ZNF800: variants seen among roughly 807,000 people sequenced by gnomAD.
ZNF800 encodes zinc finger protein 800.
A neutral mutation model predicts 59.5 loss-of-function variants in ZNF800; 13 were observed. The ratio of observed to expected loss-of-function variants is 0.22; its 90% CI spans 0.14 to 0.35. The LOEUF (loss-of-function observed/expected upper bound fraction) is 0.35. ZNF800 is among the 10% of genes least tolerant of loss of function. The probability of loss-of-function intolerance (pLI) is 1.00; values close to 1 mark genes in which losing one functional copy is unlikely to be tolerated. For synonymous variants in ZNF800, 266 were observed against 265.7 expected, an observed-to-expected ratio of 1.00 and a Z score of -0.01; for missense variants, 621 against 783.7, an observed-to-expected ratio of 0.79 and a Z score of 2.48.
chr7:127,365,066 A>G (rs544619513), downstream of ZNF800, among the ~76,000 whole-genome samples: 2 of 152,276 alleles, frequency 1.3e-5, no homozygotes, highest in South Asian at 4.1e-4. Flanking sequence ...TCATGGAATT[A>G]GATTAAGTAT....
chr7:127,392,361 G>GAACCGCCCGGCAGCAGC lies in ZNF800; in HGVS notation c.-377_-361dup, dbSNP rs1801363077. On this transcript the variant is annotated 5_prime_UTR_variant, in exon 1 of 6. Coordinates refer to ENST00000265827, the MANE Select transcript of ZNF800 (RefSeq NM_176814.5). Reference sequence around the variant, plus strand: ...CGCGGGCGGAGGCAGTTGACAGGAGGAACCGCCCGGCAGCAGCTGCCGCCG... The same window carrying GAACCGCCCGGCAGCAGC: ...CGCGGGCGGAGGCAGTTGACAGGAGGAACCGCCCGGCAGCAGCAACCGCCCGGCAGCAGCTGCCGCCG... 2.6e-6 allele frequency: 1 copy of GAACCGCCCGGCAGCAGC among 382,660 alleles called. No homozygotes were observed. The highest frequency in any genetic ancestry group is 4.6e-6 in the Non-Finnish European group (1 of 216,116). 23.7% of individuals were successfully genotyped at this position (382,660 alleles called of 1,614,324 possible).
chr7:127,368,877 G>A (rs1417665801), downstream of ZNF800, among the ~76,000 whole-genome samples: 1 of 151,800 alleles, frequency 6.6e-6, no homozygotes, highest in African/African-American at 2.4e-5. Flanking sequence ...AAATCTGAAG[G>A]TACATTTCAA....
At chr7:127,391,637 C>A in intron 1 of ZNF800, 22 bp from the exon 2 acceptor site, 1 of 1,331,972 alleles carries the variant, frequency 7.5e-7, no homozygotes, top group South Asian at 1.2e-5. Flanking sequence ...AGCACAAACC[C>A]GTCACTCGCC....
At chr7:127,391,649 T>C (rs1801321519) in intron 1 of ZNF800, 34 bp from the exon 2 acceptor site, 8 of 1,182,264 alleles carry the variant, frequency 6.8e-6, no homozygotes, top group African/African-American at 1.5e-5. Flanking sequence ...TCACTCGCCC[T>C]GAACTTCCTG....
At chr7:127,363,118 A>G (rs1030145139) in intron 1 of ZNF800, 54 of 152,276 alleles carry the variant, frequency 3.5e-4, no homozygotes, top group African/African-American at 1.2e-3. Context: ...GACATGGAGC[A>G]CATAGGAAGA....
chr7:127,375,022 A>G lies in ZNF800; in HGVS notation c.314T>C (p.Val105Ala). ...SLQMDDNLPD[V>A]NDKQSQAIND... ...TATGGCTTGGCTTTGTTTATCATTT[A>G]CATCAGGAAGGTCTGTTAAGGAAAA... The change falls in exon 5 of 6, where the codon GTA (valine) becomes GCA (alanine). Residue 105 changes from valine (V) to alanine (A), a missense_variant. By Grantham distance (64) the Val-to-Ala change is moderately conservative (BLOSUM62 0). This residue lies in a region of ZNF800 where 218 missense variants were observed against 230.8 expected (regional missense o/e 0.94). Coordinates refer to ENST00000265827, the MANE Select transcript of ZNF800 (RefSeq NM_176814.5). The G allele has an allele frequency of 6.3e-7, 1 of 1,577,804 alleles. No homozygotes were observed. Among genetic ancestry groups the G allele is most frequent in the Non-Finnish European group, 8.6e-7 (1 of 1,164,708 alleles).
rs75125576 is a variant in ZNF800, at chr7:127,357,399, C to T, written n.225-9356G>A. Among the ~76,000 whole-genome samples, 1,248 of 152,124 alleles carry T rather than the reference C, an allele frequency of 8.2e-3. 9 individuals are homozygous for T. The highest frequency in any genetic ancestry group is 0.01 in the Non-Finnish European group (704 of 67,942). ...TTCAACCTTTAATAGTACCTTTATT[C>T]CCTTAGACTCTGGCTATGGATACTA... On this transcript the variant is annotated intron_variant and non_coding_transcript_variant, in intron 1 of 1. Coordinates refer to the ZNF800 transcript ENST00000485577.
In ZNF800 at chr7:127,392,620, C is replaced by G. The variant is rs1801376451; in HGVS notation, c.-619G>C. Reference sequence around the variant, plus strand: ...TCAGCCTCTCTTTTACTCTGTCGCCCCCTCCTCCGGAGAGCCCGAGCTACC... The same window carrying G: ...TCAGCCTCTCTTTTACTCTGTCGCCGCCTCCTCCGGAGAGCCCGAGCTACC... On this transcript the variant is annotated 5_prime_UTR_variant, in exon 1 of 6. Transcript: ENST00000265827. 6.1e-6 allele frequency: 1 copy of G among 164,132 alleles called. No individual in the cohort carries two copies. Among genetic ancestry groups the G allele is most frequent in the South Asian group, 2.0e-4 (1 of 4,938 alleles). The allele number at this position is 164,132 out of a possible 1,614,324, so 10.2% of individuals were successfully genotyped here. A position where few individuals can be genotyped will look rare whatever the true frequency, so the allele number is the denominator to read the frequency against.
exon 2 of ZNF800, chr7:127,347,894 T>C (rs1302718696): frequency 6.7e-6 from 1 of 149,794 alleles, no homozygotes; most frequent in Admixed American, 6.7e-5. Flanking sequence ...CCGGGCAGCG[T>C]GCTGGAGCTC....
intron 4 of ZNF800, among the ~76,000 whole-genome samples, chr7:127,375,927 A>G (rs1169131495): frequency 1.3e-5 from 2 of 152,010 alleles, no homozygotes; most frequent in Non-Finnish European, 2.9e-5. Context: ...ATACTTTCAC[A>G]AAAGTATTTC....
intron 1 of ZNF800, chr7:127,364,568 G>C (rs1800464405): frequency 6.6e-6 from 1 of 152,138 alleles, no homozygotes; most frequent in African/African-American, 2.4e-5. Context: ...GTTCAAGGTA[G>C]TATAGAAGAG....
intron 3 of ZNF800, among the ~76,000 whole-genome samples, chr7:127,380,282 C>G (rs1800935955): frequency 6.6e-6 from 1 of 152,044 alleles, no homozygotes; most frequent in African/African-American, 2.4e-5. Flanking sequence ...CTCACCGCTA[C>G]CCCAGCTCTC....
In ZNF800 at chr7:127,373,533, T is replaced by A. The variant is rs551012942; in HGVS notation, c.1803A>T (p.Glu601Asp). 5.0e-6 allele frequency: 8 copies of A among 1,614,204 alleles called. No homozygotes were observed. In the South Asian group the frequency reaches 7.7e-5, roughly 16 times the overall value. Residue 601 changes from glutamate (E) to aspartate (D), a missense_variant, in exon 5 of 6, where the codon GAA (glutamate) becomes GAT (aspartate). Coordinates refer to ENST00000265827, the MANE Select transcript of ZNF800 (RefSeq NM_176814.5). ...GTSNSPSKKY[E>D]VADVGIEVKV... The stretch of plus-strand genomic sequence containing the variant: ...TTACTTCAATACCGACGTCAGCTAC[T>A]TCATACTTTTTACTAGGAGAGTTAG...
chr7:127,385,136 A>C (rs1801098910), intron 3 of ZNF800, among the ~76,000 whole-genome samples: 1 of 152,228 alleles, frequency 6.6e-6, no homozygotes, highest in Non-Finnish European at 1.5e-5. Context: ...AACTCAAAAA[A>C]TCTCATCAAT....
chr7:127,352,413 A>T (rs1239636848), intron 1 of ZNF800, among the ~76,000 whole-genome samples: 6 of 152,210 alleles, frequency 3.9e-5, no homozygotes, highest in Non-Finnish European at 2.9e-5. Flanking sequence ...AAGAAAGCAA[A>T]AGCTGGCCAT....
intron 5 of ZNF800, 57 bp downstream of exon 5, chr7:127,373,285 A>ATTTTTT: frequency 6.9e-7 from 1 of 1,439,316 alleles, no homozygotes; most frequent in South Asian, 1.5e-5. Context: ...TGGTCAAATG[A>ATTTTTT]TTTTTTTTTT....
At chr7:127,349,040 A>T (rs557859647) in intron 1 of ZNF800, among the ~76,000 whole-genome samples, 1 of 152,262 alleles carries the variant, frequency 6.6e-6, no homozygotes, top group African/African-American at 2.4e-5. Context: ...TATCTTATTT[A>T]ACTCTAGTAA....
intron 3 of ZNF800, among the ~76,000 whole-genome samples, chr7:127,380,105 T>G (rs1446338216): frequency 6.6e-6 from 1 of 152,102 alleles, no homozygotes; most frequent in Non-Finnish European, 1.5e-5. Flanking sequence ...CCAAGAAGCC[T>G]TCAATAATCA....
chr7:127,373,537 T>A lies in ZNF800; in HGVS notation c.1799A>T (p.Tyr600Phe). The A allele has an allele frequency of 6.2e-7, 1 of 1,614,200 alleles. No homozygotes were observed. The highest frequency in any genetic ancestry group is 8.5e-7 in the Non-Finnish European group (1 of 1,180,028). Residue 600 changes from tyrosine (Y) to phenylalanine (F), a missense_variant, in exon 5 of 6, where the codon TAT becomes TTT. Tyr to Phe is a conservative substitution (Grantham distance 22). Coordinates refer to ENST00000265827, the MANE Select transcript of ZNF800 (RefSeq NM_176814.5). Reference protein sequence around the residue: ...DGTSNSPSKKYEVADVGIEVK... With the variant: ...DGTSNSPSKKFEVADVGIEVK... ...TTCAATACCGACGTCAGCTACTTCATACTTTTTACTAGGAGAGTTAGAAGT... is the reference window on the plus strand; with the variant it reads ...TTCAATACCGACGTCAGCTACTTCAAACTTTTTACTAGGAGAGTTAGAAGT...
Sources: gnomAD v4.1 joint callset for allele counts (sites outside exome capture counted in the v4.1 genomes callset) on GRCh38, gnomAD v4.1.1 for gene constraint, gnomAD v4.1.1 regional missense constraint, MANE v1.5 for transcripts, NCBI Gene and HGNC (gene_info 2026-07-23, HGNC 2026-07-21) for gene names.